Variants in PIBF1 observed in about 807,000 individuals in gnomAD.
PIBF1 encodes progesterone-induced-blocking factor 1.
In PIBF1, 90 loss-of-function variants were observed where a neutral mutation model predicts 112.5. That is an observed-to-expected ratio of 0.80 (90% confidence interval 0.67 to 0.95). The LOEUF is 0.95. PIBF1 is among the 40% of genes least tolerant of loss of function. PIBF1 has a pLI of 0.00. For synonymous variants in PIBF1, 301 were observed against 288.6 expected, an observed-to-expected ratio of 1.04 and a Z score of -0.44; for missense variants, 915 against 852.3, an observed-to-expected ratio of 1.07 and a Z score of -0.92.
chr13:72,883,267 T>C (rs895971694), intron 10 of PIBF1, among the ~76,000 whole-genome samples: 21 of 152,254 alleles, frequency 1.4e-4, no homozygotes, highest in Middle Eastern at 3.4e-3. Flanking sequence ...CTCACTTGTT[T>C]GTGGGAGCTA....
intron 14 of PIBF1, among the ~76,000 whole-genome samples, chr13:72,934,739 T>C (rs1302647778): frequency 6.6e-6 from 1 of 152,200 alleles, no homozygotes; most frequent in African/African-American, 2.4e-5. Context: ...TATTGAAGTA[T>C]AATTGATATA....
intron 16 of PIBF1, among the ~76,000 whole-genome samples, chr13:72,997,541 T>C (rs151024674): frequency 0.011 from 1,657 of 152,292 alleles, 19 homozygotes; most frequent in Non-Finnish European, 0.018. Context: ...CTATTAAGGT[T>C]ATATGGCTTA....
At chr13:72,835,472 C>T in intron 9 of PIBF1, 104 bp downstream of exon 9, 1 of 832,992 alleles carries the variant, frequency 1.2e-6, no homozygotes, top group Non-Finnish European at 1.7e-6. Context: ...TTTTTTAATA[C>T]ATTAGAGAAA....
In PIBF1 at chr13:72,860,308, GGTGTGTGTGTGTGTGTGTGT is replaced by G. The variant is rs3219561; in HGVS notation, c.1322+6179_1322+6198del. Among the ~76,000 whole-genome samples, 98 of 143,148 alleles carry G rather than the reference GGTGTGTGTGTGTGTGTGTGT, an allele frequency of 6.8e-4. 2 individuals are homozygous for G. Among genetic ancestry groups the G allele is most frequent in the Admixed American group, 5.3e-3 (74 of 14,062 alleles). 93.9% of individuals were successfully genotyped at this position (143,148 alleles called of 152,430 possible). On this transcript the variant is annotated intron_variant, in intron 10 of 17. Coordinates refer to ENST00000326291, the MANE Select transcript of PIBF1 (RefSeq NM_006346.4). Reference sequence around the variant, plus strand: ...TTCGCTTTCCCTGTGTTTTTTTAGGGGTGTGTGTGTGTGTGTGTGTGTGTGTGTGTGTGTGTGTGTGTGTG... The same window carrying G: ...TTCGCTTTCCCTGTGTTTTTTTAGGGGTGTGTGTGTGTGTGTGTGTGTGTG...
chr13:72,931,720 A>G (rs1013261889), intron 14 of PIBF1, among the ~76,000 whole-genome samples: 19 of 87,562 alleles, frequency 2.2e-4, no homozygotes, highest in African/African-American at 4.9e-4. Flanking sequence ...TAAACTACGT[A>G]TATATATATA....
At chr13:72,979,554 T>C (rs1464222754) in intron 16 of PIBF1, among the ~76,000 whole-genome samples, 1 of 152,040 alleles carries the variant, frequency 6.6e-6, no homozygotes, top group Non-Finnish European at 1.5e-5. Context: ...AGTATTTCAG[T>C]GAGTGAAGGT....
chr13:73,003,006 A>AAAAAAAAAAC, intron 17 of PIBF1, among the ~76,000 whole-genome samples: 1 of 150,346 alleles, frequency 6.7e-6, no homozygotes, highest in African/African-American at 2.4e-5. Context: ...AAAAAAAAAA[A>AAAAAAAAAAC]AGCCTTAGGC....
chr13:72,901,886 A>G (rs760216454), intron 11 of PIBF1, among the ~76,000 whole-genome samples: 10 of 152,176 alleles, frequency 6.6e-5, no homozygotes, highest in Non-Finnish European at 1.5e-4. Flanking sequence ...ATAAGTCATT[A>G]TTTGAAAAAG....
chr13:72,826,931 A>T, intron 6 of PIBF1, 79 bp from the exon 7 acceptor site: 1 of 707,204 alleles, frequency 1.4e-6, no homozygotes, highest in Non-Finnish European at 2.3e-6. Flanking sequence ...GCGTCCTAAT[A>T]CATAGTCAAC....
chr13:73,004,246 T>G (rs2043960097), intron 17 of PIBF1, among the ~76,000 whole-genome samples: 1 of 151,982 alleles, frequency 6.6e-6, no homozygotes, highest in Admixed American at 6.6e-5. Flanking sequence ...CTCCCAACAC[T>G]TTGGGAGGCC....
intron 17 of PIBF1, among the ~76,000 whole-genome samples, chr13:73,009,331 G>A (rs113889435): frequency 3.9e-5 from 6 of 152,140 alleles, no homozygotes; most frequent in African/African-American, 1.2e-4. Flanking sequence ...TCAGAGTTCT[G>A]TTATTAAGAA....
At chr13:72,956,347 A>G (rs911373025) in intron 14 of PIBF1, among the ~76,000 whole-genome samples, 3 of 151,470 alleles carry the variant, frequency 2.0e-5, no homozygotes, top group Admixed American at 6.6e-5. Context: ...ATGTGTGTGT[A>G]TGTGTGTGTG....
chr13:72,894,772 AGTGTG>A (rs1257718922), intron 11 of PIBF1, among the ~76,000 whole-genome samples: 75 of 137,206 alleles, frequency 5.5e-4, no homozygotes, highest in African/African-American at 2.1e-3. Flanking sequence ...ATATATATAT[AGTGTG>A]TGTGTGTGTG....
chr13:72,805,713 A>T (rs1340239227), intron 5 of PIBF1, among the ~76,000 whole-genome samples: 1 of 152,246 alleles, frequency 6.6e-6, no homozygotes, highest in African/African-American at 2.4e-5. Context: ...ACTGCAGCAC[A>T]TGTATAATAT....
chr13:72,959,185 G>A (rs2026484), intron 14 of PIBF1, among the ~76,000 whole-genome samples: 17,531 of 151,892 alleles, frequency 0.12, 2,905 homozygotes, highest in African/African-American at 0.37. Flanking sequence ...TAGTAGAGAC[G>A]GGGTTTTGCC....
intron 2 of PIBF1, among the ~76,000 whole-genome samples, chr13:72,790,376 T>A (rs920768284): frequency 6.6e-6 from 1 of 151,524 alleles, no homozygotes; most frequent in African/African-American, 2.4e-5. Context: ...GTGTAACTTA[T>A]AGATTCCTAA....
At chr13:72,811,202 C>T (rs115773558) in intron 5 of PIBF1, among the ~76,000 whole-genome samples, 1,581 of 152,198 alleles carry the variant, frequency 0.01, 31 homozygotes, top group African/African-American at 0.035. Context: ...TCTAATGTGG[C>T]GGGTTCATGG....
At chr13:72,958,864 A>G (rs565507504) in intron 14 of PIBF1, among the ~76,000 whole-genome samples, 3 of 152,316 alleles carry the variant, frequency 2.0e-5, no homozygotes, top group Admixed American at 2.0e-4. Flanking sequence ...ATCAAGTCCA[A>G]GATCACTAGG....
intron 5 of PIBF1, among the ~76,000 whole-genome samples, chr13:72,820,059 C>G (rs2036478139): frequency 6.6e-6 from 1 of 151,984 alleles, no homozygotes; most frequent in South Asian, 2.1e-4. Context: ...CTTTGGAAGC[C>G]AAAGCAAAGA....
Sources: gnomAD v4.1 joint callset for allele counts (sites outside exome capture counted in the v4.1 genomes callset) on GRCh38, gnomAD v4.1.1 for gene constraint, MANE v1.5 for transcripts, NCBI Gene and HGNC (gene_info 2026-07-23, HGNC 2026-07-21) for gene names.